SLC2A7: variants seen among roughly 807,000 people sequenced by gnomAD.
The protein encoded by SLC2A7 is solute carrier family 2, facilitated glucose transporter member 7.
In SLC2A7, 50 loss-of-function variants were observed where a neutral mutation model predicts 50.5. That is an observed-to-expected ratio of 0.99 (90% CI 0.79 to 1.25). SLC2A7 has a LOEUF of 1.25. SLC2A7 is among the 50% of genes most tolerant of loss of function. The probability of loss-of-function intolerance (pLI) is 0.00; values close to 1 mark genes in which losing one functional copy is unlikely to be tolerated. For missense variants in SLC2A7, 683 were observed against 679.1 expected, an observed-to-expected ratio of 1.01 and a Z score of -0.06; for synonymous variants, 308 against 300.4, an observed-to-expected ratio of 1.03 and a Z score of -0.26.
chr1:9,024,735 G>C (rs1640968620), intron 2 of SLC2A7, among the ~76,000 whole-genome samples: 1 of 152,134 alleles, frequency 6.6e-6, no homozygotes, highest in Non-Finnish European at 1.5e-5. Flanking sequence ...AATGGAACAG[G>C]TCCCCCAGCA....
chr1:9,013,679 G>C, intron 7 of SLC2A7, 44 bp from the exon 8 acceptor site: 1 of 1,546,680 alleles, frequency 6.5e-7, no homozygotes, highest in Non-Finnish European at 8.9e-7. Flanking sequence ...GGAAGACCCA[G>C]GACGCTGGCT....
intron 8 of SLC2A7, among the ~76,000 whole-genome samples, 170 bp from the exon 9 acceptor site, chr1:9,010,414 A>C (rs1640729775): frequency 6.6e-6 from 1 of 151,580 alleles, no homozygotes; most frequent in Admixed American, 6.6e-5. Context: ...GCTGGAGTGC[A>C]GTGGTGCGAT....
intron 1 of SLC2A7, among the ~76,000 whole-genome samples, chr1:9,025,299 C>T (rs1001606974): frequency 1.3e-5 from 2 of 152,202 alleles, no homozygotes; most frequent in African/African-American, 4.8e-5. Flanking sequence ...GCATCTGCTA[C>T]GTGCCTGGCC....
At position 9,011,750 on chromosome 1, in the gene SLC2A7, T is replaced by C. The variant is rs1388352885; in HGVS notation, c.1015-1506A>G. On this transcript the variant is annotated intron_variant, in intron 8 of 11. Coordinates refer to ENST00000400906, the MANE Select transcript of SLC2A7 (RefSeq NM_207420.3). ...TTTCTACTTCTTCTTCTTCTTCTTTTTTTTTTTTTTTTTTTTTTTGGTGGA... is the reference window on the plus strand; with the variant it reads ...TTTCTACTTCTTCTTCTTCTTCTTTCTTTTTTTTTTTTTTTTTTTGGTGGA... Among the ~76,000 whole-genome samples, 833 of 131,258 alleles carry C rather than the reference T, an allele frequency of 6.3e-3. 3 individuals are homozygous for C. The highest frequency in any genetic ancestry group is 0.02 in the Admixed American group (267 of 13,252). The allele number at this position is 131,258 out of a possible 152,430, so 86.1% of individuals were successfully genotyped here.
rs929173357 is a variant in SLC2A7, at chr1:9,019,199, C to T, written c.436+10G>A. On this transcript the variant is annotated intron_variant, in intron 4 of 11. Transcript: ENST00000400906. ...CCCCAAGGCTGAGCCGGAGCCTGGGCCCCAGGTACCTGCACAGACTCCCAG... is the reference window on the plus strand; with the variant it reads ...CCCCAAGGCTGAGCCGGAGCCTGGGTCCCAGGTACCTGCACAGACTCCCAG... 1 of 1,612,428 alleles carries T rather than the reference C, an allele frequency of 6.2e-7. No individual in the cohort carries two copies. Among genetic ancestry groups the T allele is most frequent in the South Asian group, 1.1e-5 (1 of 90,860 alleles).
chr1:9,026,187 A>G, intron 1 of SLC2A7, 108 bp downstream of exon 1: 3 of 1,233,530 alleles, frequency 2.4e-6, no homozygotes, highest in East Asian at 2.5e-5. Flanking sequence ...AAAAGGAAGC[A>G]CGCTACCCGC....
Position 9,015,101 on chromosome 1 carries a change from G to C in SLC2A7, c.715+16C>G. 6.2e-7 allele frequency: 1 copy of C among 1,612,548 alleles called. No individual in the cohort carries two copies. Among genetic ancestry groups the C allele is most frequent in the Non-Finnish European group, 8.5e-7 (1 of 1,179,594 alleles). On this transcript the variant is annotated intron_variant, in intron 6 of 11. Transcript: ENST00000400906. ...GGGGTGGGCAGGGCCTGGGAGAGTA[G>C]CCGGCGACTTCATACCTTGTCGCGC...
At chr1:9,001,475 G>T (rs1569775561), downstream of SLC2A7, among the ~76,000 whole-genome samples, 1 of 144,922 alleles carries the variant, frequency 6.9e-6, no homozygotes, top group African/African-American at 2.6e-5. Context: ...AGGCTGGAAT[G>T]CAGTGGCATT....
intron 6 of SLC2A7, 81 bp downstream of exon 6, chr1:9,015,036 A>G: frequency 6.3e-7 from 1 of 1,580,468 alleles, no homozygotes; most frequent in Non-Finnish European, 8.6e-7. Flanking sequence ...ACCCATGGCG[A>G]CCCTGACTGT....
At chr1:9,001,335 G>A (rs1038768007), downstream of SLC2A7, among the ~76,000 whole-genome samples, 5 of 152,106 alleles carry the variant, frequency 3.3e-5, no homozygotes, top group African/African-American at 9.6e-5. Context: ...ATGACAATAC[G>A]GTTCCAGCCT....
chr1:9,007,284 G>C, intron 10 of SLC2A7, 26 bp downstream of exon 10: 2 of 1,613,566 alleles, frequency 1.2e-6, no homozygotes, highest in Non-Finnish European at 1.7e-6. Context: ...GGATGGCCGG[G>C]GCGAGGGAGG....
chr1:8,999,156 T>C (rs1000389559), downstream of SLC2A7, among the ~76,000 whole-genome samples: 1 of 152,150 alleles, frequency 6.6e-6, no homozygotes, highest in Non-Finnish European at 1.5e-5. Flanking sequence ...ATCTATTTCT[T>C]TTTTGTTTTT....
At chr1:9,023,122 T>C (rs777615427) in intron 2 of SLC2A7, 44 bp from the exon 3 acceptor site, 11 of 1,584,012 alleles carry the variant, frequency 6.9e-6, no homozygotes, top group Non-Finnish European at 8.6e-6. Flanking sequence ...ATTGGGCAGT[T>C]CATGAGAAAT....
At chr1:9,011,570 G>A (rs1348554407) in intron 8 of SLC2A7, among the ~76,000 whole-genome samples, 7 of 151,912 alleles carry the variant, frequency 4.6e-5, no homozygotes, top group Non-Finnish European at 1.0e-4. Context: ...CGACATTGAG[G>A]CCATCTGGAA....
Position 9,007,373 on chromosome 1 carries a change from C to G in SLC2A7, c.1129G>C (p.Glu377Gln). 6.2e-7 allele frequency: 1 copy of G among 1,614,124 alleles called. No homozygotes were observed. ...CAGATGATGCCGAGGTAGGACAGCT[C>G]GGGGACCCTGTTCTGTGGGGAGAGG... ...VVLLFQNRVP[E>Q]LSYLGIICVF... Residue 377 changes from glutamate to glutamine, a missense_variant, in exon 10 of 12, where the codon GAG (glutamate) becomes CAG (glutamine). Glu to Gln is a conservative substitution (Grantham distance 29, BLOSUM62 2). Coordinates refer to ENST00000400906, the MANE Select transcript of SLC2A7 (RefSeq NM_207420.3).
intron 10 of SLC2A7, among the ~76,000 whole-genome samples, chr1:9,006,668 C>T (rs937226274): frequency 2.6e-5 from 4 of 152,220 alleles, no homozygotes; most frequent in Admixed American, 6.5e-5. Flanking sequence ...TAAATACCTT[C>T]ATTTTGGTTT....
chr1:9,007,831 C>T lies in SLC2A7; in HGVS notation c.1117-446G>A, dbSNP rs530208666. Among the ~76,000 whole-genome samples the T allele has an allele frequency of 9.2e-5, 14 of 152,008 alleles. No homozygotes were observed. The South Asian group carries it at 2.3e-3, about 25-fold the overall frequency. On this transcript the variant is annotated intron_variant, in intron 9 of 11. Coordinates refer to ENST00000400906, the MANE Select transcript of SLC2A7 (RefSeq NM_207420.3). Reference sequence around the variant, plus strand: ...TTGGCTCACTGCAGCCTCCGCCTCCCGGGTTCAAGATTCCCCTGCCTCCGC... The same window carrying T: ...TTGGCTCACTGCAGCCTCCGCCTCCTGGGTTCAAGATTCCCCTGCCTCCGC...
At chr1:9,009,838 C>T (rs1020307398) in intron 9 of SLC2A7, among the ~76,000 whole-genome samples, 10 of 152,242 alleles carry the variant, frequency 6.6e-5, no homozygotes, top group Non-Finnish European at 1.3e-4. Context: ...TTTTCTAATG[C>T]GGTGGCATCC....
At position 9,008,904 on chromosome 1, in the gene SLC2A7, A is replaced by C. The variant is rs1381515202; in HGVS notation, c.1116+1239T>G. Among the ~76,000 whole-genome samples, 1 of 152,186 alleles carries C rather than the reference A, an allele frequency of 6.6e-6. No individual in the cohort carries two copies. The highest frequency in any genetic ancestry group is 1.9e-4 in the East Asian group (1 of 5,196). ...AGCCACTGCGTCTGGCTGAGAACTT[A>C]TACTGGTTTTAAAATTAAAGAAGAA... is the stretch of plus-strand genomic sequence containing the variant. On this transcript the variant is annotated intron_variant, in intron 9 of 11. Transcript: ENST00000400906. This position sits in a 1 kb window ranked among gnomAD's most constrained non-coding sequence, Gnocchi z 5.9.
Sources: allele counts gnomAD v4.1 joint callset (sites outside exome capture counted in the v4.1 genomes callset), GRCh38; gene constraint gnomAD v4.1.1; non-coding constraint Gnocchi (gnomAD v3.1); transcripts MANE v1.5; gene names NCBI Gene and HGNC (gene_info 2026-07-23, HGNC 2026-07-21).